MDFIC2: variants seen among roughly 807,000 people sequenced by gnomAD.
The protein encoded by MDFIC2 is MyoD family inhibitor domain containing 2.
At chr3:70,272,411 T>C (rs1304366738) in intron 2 of MDFIC2, 1 of 152,242 alleles carries the variant, frequency 6.6e-6, no homozygotes, top group Non-Finnish European at 1.5e-5. Flanking sequence ...TATAATGCTT[T>C]TGAGGTTCAT....
At chr3:70,310,931 A>T (rs1386429255) in intron 2 of MDFIC2, among the ~76,000 whole-genome samples, 1 of 152,178 alleles carries the variant, frequency 6.6e-6, no homozygotes, top group Non-Finnish European at 1.5e-5. Flanking sequence ...TAGGCAAGTT[A>T]CTAGAACTCT....
chr3:70,258,461 C>A, intron 2 of MDFIC2, among the ~76,000 whole-genome samples: 1 of 152,126 alleles, frequency 6.6e-6, no homozygotes, highest in Non-Finnish European at 1.5e-5. Flanking sequence ...TACATTGTTA[C>A]AACCTCTGGG....
intron 2 of MDFIC2, among the ~76,000 whole-genome samples, chr3:70,259,056 T>C (rs1701842668): frequency 6.6e-6 from 1 of 152,166 alleles, no homozygotes; most frequent in South Asian, 2.1e-4. Flanking sequence ...GTTGATGTGC[T>C]TATCAGGTCA....
At chr3:70,219,072 A>G (rs1403412648) in intron 2 of MDFIC2, among the ~76,000 whole-genome samples, 3 of 152,190 alleles carry the variant, frequency 2.0e-5, no homozygotes, top group African/African-American at 7.2e-5. Context: ...AATTATTTCT[A>G]AACACCAAAT....
At chr3:70,241,762 A>T (rs1701668689) in intron 2 of MDFIC2, among the ~76,000 whole-genome samples, 1 of 152,168 alleles carries the variant, frequency 6.6e-6, no homozygotes, top group South Asian at 2.1e-4. Context: ...AGTCCATTTA[A>T]TCCTTCCTAA....
Position 70,288,583 on chromosome 3 carries a change from T to C in MDFIC2, c.88+23303A>G, listed in dbSNP as rs1310939777. Among the ~76,000 whole-genome samples, 366 of 148,852 alleles carry C rather than the reference T, an allele frequency of 2.5e-3. 3 individuals carry two copies. Among genetic ancestry groups the C allele is most frequent in the African/African-American group, 8.3e-3 (333 of 40,130 alleles). On this transcript the variant is annotated intron_variant, in intron 2 of 3. Transcript: ENST00000567252. ...GTAGATGTCTATTAGGTCCACTTGC[T>C]GCAGAGCTGAGTTCAATTCCTGGGT...
At chr3:70,291,602 C>T (rs145554505) in intron 2 of MDFIC2, among the ~76,000 whole-genome samples, 3 of 152,218 alleles carry the variant, frequency 2.0e-5, no homozygotes, top group East Asian at 1.9e-4. Flanking sequence ...CTGGGAACAT[C>T]GGATCCACAA....
chr3:70,244,421 A>G (rs369135129), intron 2 of MDFIC2, among the ~76,000 whole-genome samples: 29 of 152,224 alleles, frequency 1.9e-4, no homozygotes, highest in African/African-American at 7.0e-4. Context: ...TGCTACTGAA[A>G]TATCAATTAA....
At chr3:70,271,950 A>G (rs1045746251) in intron 2 of MDFIC2, 3 of 152,166 alleles carry the variant, frequency 2.0e-5, no homozygotes, top group Non-Finnish European at 4.4e-5. Context: ...TTTTGTAGAG[A>G]CAACGTTTCA....
chr3:70,243,740 C>T (rs1024373766), intron 2 of MDFIC2, among the ~76,000 whole-genome samples: 1 of 152,046 alleles, frequency 6.6e-6, no homozygotes, highest in African/African-American at 2.4e-5. Context: ...CATCACTGAT[C>T]TAAAGCAAGA....
At chr3:70,255,920 T>G (rs1701811133) in intron 2 of MDFIC2, among the ~76,000 whole-genome samples, 1 of 151,820 alleles carries the variant, frequency 6.6e-6, no homozygotes, top group African/African-American at 2.4e-5. Context: ...AGGAAAAAAA[T>G]TCTAATTACA....
intron 2 of MDFIC2, among the ~76,000 whole-genome samples, chr3:70,262,159 A>G (rs1022847170): frequency 2.6e-5 from 4 of 152,182 alleles, no homozygotes; most frequent in Non-Finnish European, 2.9e-5. Context: ...CGGTAACAAT[A>G]CTTTCAATAG....
intron 2 of MDFIC2, among the ~76,000 whole-genome samples, chr3:70,300,852 C>T (rs1292726682): frequency 1.3e-5 from 2 of 151,932 alleles, no homozygotes; most frequent in African/African-American, 4.8e-5. Flanking sequence ...CAAATTTGGA[C>T]ACTCCAAGGT....
intron 2 of MDFIC2, among the ~76,000 whole-genome samples, chr3:70,290,654 C>G (rs1474409597): frequency 1.3e-5 from 2 of 152,220 alleles, no homozygotes; most frequent in African/African-American, 4.8e-5. Flanking sequence ...CGCCCCTCCC[C>G]TAGCCTCGCT....
At chr3:70,216,759 C>A (rs1701415872) in intron 2 of MDFIC2, among the ~76,000 whole-genome samples, 1 of 152,128 alleles carries the variant, frequency 6.6e-6, no homozygotes, top group African/African-American at 2.4e-5. Flanking sequence ...ACATCAAAAA[C>A]AGTGCTTCCC....
intron 2 of MDFIC2, among the ~76,000 whole-genome samples, chr3:70,237,110 T>G (rs1047527767): frequency 6.6e-6 from 1 of 152,238 alleles, no homozygotes. Context: ...TTTCCAGATC[T>G]TTTGCATTCA....
At chr3:70,230,308 A>T (rs1442578978) in intron 2 of MDFIC2, among the ~76,000 whole-genome samples, 1 of 152,184 alleles carries the variant, frequency 6.6e-6, no homozygotes, top group Non-Finnish European at 1.5e-5. Flanking sequence ...CAAACATAGG[A>T]GATTCATTTC....
chr3:70,224,308 A>C (rs568885217), intron 2 of MDFIC2, among the ~76,000 whole-genome samples: 1 of 152,302 alleles, frequency 6.6e-6, no homozygotes, highest in Non-Finnish European at 1.5e-5. Context: ...ATGGTGGATA[A>C]ATCCAATACA....
chr3:70,274,062 T>TG (rs1378473883), intron 2 of MDFIC2, among the ~76,000 whole-genome samples: 4 of 147,194 alleles, frequency 2.7e-5, no homozygotes, highest in Admixed American at 6.9e-5. Context: ...CCTCCGTGTG[T>TG]GTGTGTGTGT....
Sources: gnomAD v4.1 joint callset for allele counts (sites outside exome capture counted in the v4.1 genomes callset) on GRCh38, gnomAD v4.1.1 for gene constraint, MANE v1.5 for transcripts, NCBI Gene and HGNC (gene_info 2026-07-23, HGNC 2026-07-21) for gene names.